THSD4: variants seen among roughly 807,000 people sequenced by gnomAD.
The protein encoded by THSD4 is thrombospondin type-1 domain-containing protein 4.
THSD4 carries 69 observed loss-of-function variants against 119.0 expected under a neutral mutation model. The observed-to-expected ratio is 0.58, with a 90% CI of 0.48 to 0.71. The LOEUF is 0.71. THSD4 is among the 30% of genes least tolerant of loss of function. The probability of loss-of-function intolerance (pLI) is 0.00; values close to 1 mark genes in which losing one functional copy is unlikely to be tolerated. For missense variants in THSD4, 1,393 were observed against 1,391.1 expected, an observed-to-expected ratio of 1.00 and a Z score of -0.02; for synonymous variants, 524 against 540.4, an observed-to-expected ratio of 0.97 and a Z score of 0.42.
At chr15:71,498,046 T>G (rs1158150353) in intron 7 of THSD4, among the ~76,000 whole-genome samples, 3 of 152,206 alleles carry the variant, frequency 2.0e-5, no homozygotes, top group Admixed American at 2.0e-4. Context: ...TTATCCTAAC[T>G]GGGGTGGCAT....
intron 6 of THSD4, among the ~76,000 whole-genome samples, chr15:71,318,504 G>T (rs916820430): frequency 3.3e-5 from 5 of 152,166 alleles, no homozygotes; most frequent in African/African-American, 1.2e-4. Flanking sequence ...CAGCATAAAG[G>T]CTCCTGGAAT....
chr15:71,294,486 C>T (rs549626715), intron 6 of THSD4, among the ~76,000 whole-genome samples: 1 of 152,226 alleles, frequency 6.6e-6, no homozygotes, highest in South Asian at 2.1e-4. Context: ...AGATGGGGTC[C>T]GTTCAGGGGA....
intron 7 of THSD4, among the ~76,000 whole-genome samples, chr15:71,624,090 A>G (rs573374065): frequency 2.2e-4 from 33 of 152,310 alleles, no homozygotes. Flanking sequence ...CGTGAAGGGT[A>G]AGGGCTGCAA....
chr15:71,309,546 G>A (rs1007061341), intron 6 of THSD4, among the ~76,000 whole-genome samples: 100 of 152,116 alleles, frequency 6.6e-4, no homozygotes, highest in African/African-American at 2.4e-3. Context: ...ATGTACATTT[G>A]ATGTCCTATT....
At chr15:71,616,348 T>C (rs1389749615) in intron 7 of THSD4, among the ~76,000 whole-genome samples, 1 of 152,192 alleles carries the variant, frequency 6.6e-6, no homozygotes, top group Non-Finnish European at 1.5e-5. Flanking sequence ...AATCCTCTTA[T>C]GTTTTGCTGG....
At chr15:71,129,222 C>G (rs138669348) in intron 1 of THSD4, among the ~76,000 whole-genome samples, 2 of 152,324 alleles carry the variant, frequency 1.3e-5, no homozygotes, top group East Asian at 1.9e-4. Flanking sequence ...ACTCGAAGTA[C>G]AGGGAAGCTG....
intron 7 of THSD4, among the ~76,000 whole-genome samples, chr15:71,514,710 T>C (rs1467354995): frequency 1.3e-5 from 2 of 152,218 alleles, no homozygotes; most frequent in South Asian, 2.1e-4. Context: ...TATGGTCTTA[T>C]TATCCCGTGA....
chr15:71,226,804 C>G (rs1005716218), intron 4 of THSD4, among the ~76,000 whole-genome samples: 1 of 152,172 alleles, frequency 6.6e-6, no homozygotes, highest in East Asian at 1.9e-4. Context: ...ATCTGTGTTT[C>G]TCCTTGGAAA....
intron 15 of THSD4, among the ~76,000 whole-genome samples, chr15:71,763,743 C>T (rs547806009): frequency 7.9e-5 from 12 of 151,856 alleles, no homozygotes; most frequent in Admixed American, 2.0e-4. Context: ...CCGCGCCTGG[C>T]CCCCGTCTCT....
intron 7 of THSD4, among the ~76,000 whole-genome samples, chr15:71,553,874 CT>C (rs2048972399): frequency 6.6e-6 from 1 of 152,088 alleles, no homozygotes; most frequent in South Asian, 2.1e-4. Context: ...AATTAACTAT[CT>C]TAATCATGAT....
intron 8 of THSD4, among the ~76,000 whole-genome samples, chr15:71,687,298 T>C (rs946651806): frequency 6.6e-6 from 1 of 152,198 alleles, no homozygotes; most frequent in Non-Finnish European, 1.5e-5. Context: ...TATGAAAAAT[T>C]ATGCTATAAT....
chr15:71,173,885 A>G (rs1028393247), intron 3 of THSD4, among the ~76,000 whole-genome samples: 2 of 152,170 alleles, frequency 1.3e-5, no homozygotes, highest in African/African-American at 4.8e-5. Context: ...ATTTTTGACA[A>G]TGGTGCCAAG....
chr15:71,552,144 A>C (rs1272668762), intron 7 of THSD4, among the ~76,000 whole-genome samples: 2 of 152,258 alleles, frequency 1.3e-5, no homozygotes, highest in Admixed American at 1.3e-4. Flanking sequence ...TGCATAGTTC[A>C]GATCACAGAA....
chr15:71,679,421 G>A (rs1047454003), intron 8 of THSD4, among the ~76,000 whole-genome samples: 1 of 152,208 alleles, frequency 6.6e-6, no homozygotes, highest in African/African-American at 2.4e-5. Flanking sequence ...ATATGTGAAT[G>A]AATGGGGGTG....
intron 6 of THSD4, among the ~76,000 whole-genome samples, chr15:71,351,543 C>G (rs1257201385): frequency 2.0e-5 from 3 of 152,300 alleles, no homozygotes; most frequent in Non-Finnish European, 4.4e-5. Flanking sequence ...TGAGTTTCTC[C>G]TGGTACACAA....
Position 71,423,397 on chromosome 15 carries a change from T to C in THSD4, c.1152+11574T>C, listed in dbSNP as rs190856180. ...GATTATTCAGGGCCCAAAGGCTCTTTAGTCAGCAGGTGATGAATCCTGCCA... is the reference window on the plus strand; with the variant it reads ...GATTATTCAGGGCCCAAAGGCTCTTCAGTCAGCAGGTGATGAATCCTGCCA... On this transcript the variant is annotated intron_variant, in intron 7 of 17. Transcript: ENST00000261862. Among the ~76,000 whole-genome samples the C allele has an allele frequency of 7.9e-3, 1,199 of 151,402 alleles. 8 individuals carry two copies. The highest frequency in any genetic ancestry group is 0.013 in the Non-Finnish European group (877 of 67,312).
chr15:71,554,792 A>G (rs933721103), intron 7 of THSD4, among the ~76,000 whole-genome samples: 2 of 151,584 alleles, frequency 1.3e-5, no homozygotes, highest in Non-Finnish European at 2.9e-5. Context: ...TAGTGGAGTG[A>G]TGGTATTTGA....
intron 8 of THSD4, among the ~76,000 whole-genome samples, chr15:71,682,831 A>G (rs2051813067): frequency 6.8e-6 from 1 of 146,274 alleles, no homozygotes; most frequent in Non-Finnish European, 1.5e-5. Flanking sequence ...AGTATCTGGC[A>G]TGGCAATTCT....
At position 71,781,134 on chromosome 15, in the gene THSD4, A is replaced by T; in HGVS notation, c.*3760A>T. On this transcript the variant is annotated 3_prime_UTR_variant, in exon 18 of 18. Coordinates refer to ENST00000261862, the MANE Select transcript of THSD4 (RefSeq NM_024817.3). ...TATAAAACATTTTAATATGGTTTAC[A>T]TGGGAAAATATCGATGGCTTCCTCA... 5.5e-6 allele frequency: 1 copy of T among 183,172 alleles called. No homozygotes were observed. The highest frequency in any genetic ancestry group is 1.2e-5 in the Non-Finnish European group (1 of 85,248). The allele number at this position is 183,172 out of a possible 1,614,324, so 11.3% of individuals were successfully genotyped here. A position where few individuals can be genotyped will look rare whatever the true frequency, so the allele number is the denominator to read the frequency against.
Sources: gnomAD v4.1 joint callset for allele counts (sites outside exome capture counted in the v4.1 genomes callset) on GRCh38, gnomAD v4.1.1 for gene constraint, MANE v1.5 for transcripts, NCBI Gene and HGNC (gene_info 2026-07-23, HGNC 2026-07-21) for gene names.